Variants in EMP1 observed in about 807,000 individuals in gnomAD.
EMP1 encodes tumor-associated membrane protein.
Under a neutral mutation model 15.7 loss-of-function variants are expected in EMP1, and 5 were observed. That is an observed-to-expected ratio of 0.32 (90% CI 0.17 to 0.67). The LOEUF (loss-of-function observed/expected upper bound fraction) is 0.67, where lower values mean the gene tolerates loss of function less well. Ranked by LOEUF, EMP1 falls within the 30% of genes least tolerant of loss-of-function variation. The pLI, the probability that EMP1 is intolerant of heterozygous loss-of-function variation, is 0.74. For missense variants in EMP1, 166 were observed against 194.2 expected (o/e 0.85, Z 0.86); for synonymous variants, 78 against 76.7 (o/e 1.02, Z -0.09).
At chr12:13,210,492 T>A (rs1864155484) in intron 1 of EMP1, among the ~76,000 whole-genome samples, 1 of 152,224 alleles carries the variant, frequency 6.6e-6, no homozygotes, top group Non-Finnish European at 1.5e-5. Context: ...ATGGGCTCCC[T>A]TCTCTGCTGT....
intron 1 of EMP1, among the ~76,000 whole-genome samples, chr12:13,206,017 A>T (rs910724038): frequency 2.6e-5 from 4 of 152,090 alleles, no homozygotes; most frequent in African/African-American, 9.7e-5. Flanking sequence ...GGTAGAAGAT[A>T]TGTTAGAGGG....
Position 13,214,694 on chromosome 12 carries a change from C to T in EMP1, c.*3C>T, listed in dbSNP as rs1714890666. 2 of 1,607,566 alleles carry T rather than the reference C, an allele frequency of 1.2e-6. No individual in the cohort carries two copies. The highest frequency in any genetic ancestry group is 1.7e-6 in the Non-Finnish European group (2 of 1,176,870). On this transcript the variant is annotated 3_prime_UTR_variant, in exon 5 of 5. Transcript: ENST00000256951. ...ATCTGGTCCTGAGAAAGAAATAAGGCCGGACGAGTTCATGGGGATCTGGGG... is the reference window on the plus strand; with the variant it reads ...ATCTGGTCCTGAGAAAGAAATAAGGTCGGACGAGTTCATGGGGATCTGGGG...
chr12:13,208,364 A>G lies in EMP1; in HGVS notation c.-42-3105A>G, dbSNP rs540119521. Among the ~76,000 whole-genome samples, 15 of 152,234 alleles carry G rather than the reference A, an allele frequency of 9.9e-5. No individual in the cohort carries two copies. The South Asian group carries it at 1.9e-3, about 19-fold the overall frequency. On this transcript the variant is annotated intron_variant, in intron 1 of 4. Transcript: ENST00000256951. ...ATTAGTTACCACTAATGGCTTTTTC[A>G]TAAAGACCTCAGTGATCGCCTCCTC...
In EMP1 at chr12:13,218,177, T is replaced by C. The variant is rs374505573; in HGVS notation, c.*3486T>C. On this transcript the variant is annotated 3_prime_UTR_variant, in exon 5 of 5. Coordinates refer to ENST00000256951, the MANE Select transcript of EMP1 (RefSeq NM_001423.3). ...TAAACTTGAGTTATCAAATGGTTAATAGATAAAGATCCCACTCTGCCTTGG... is the reference window on the plus strand; with the variant it reads ...TAAACTTGAGTTATCAAATGGTTAACAGATAAAGATCCCACTCTGCCTTGG... The C allele has an allele frequency of 2.0e-5, 3 of 152,298 alleles. No individual in the cohort carries two copies. The highest frequency in any genetic ancestry group is 7.2e-5 in the African/African-American group (3 of 41,568). The allele number at this position is 152,298 out of a possible 1,614,324, so 9.4% of individuals were successfully genotyped here.
intron 1 of EMP1, among the ~76,000 whole-genome samples, chr12:13,207,563 A>C (rs935488990): frequency 6.6e-6 from 1 of 152,216 alleles, no homozygotes; most frequent in African/African-American, 2.4e-5. Context: ...GTTAGGGCAG[A>C]AAGAAGAACA....
intron 4 of EMP1, chr12:13,214,220 A>G: frequency 1.7e-6 from 1 of 595,740 alleles, no homozygotes; most frequent in East Asian, 2.8e-5. Flanking sequence ...GCTCTTTTGC[A>G]TCCCTGAGTA....
chr12:13,215,882 G>A lies in EMP1; in HGVS notation c.*1191G>A, dbSNP rs1267899135. ...GTGCTATATAATTGTGAAGTATTAA[G>A]CCTACCGTATTTCAGCCATGATAAG... On this transcript the variant is annotated 3_prime_UTR_variant, in exon 5 of 5. Transcript: ENST00000256951. 6.3e-6 allele frequency: 1 copy of A among 158,030 alleles called. No homozygotes were observed. The highest frequency in any genetic ancestry group is 1.4e-5 in the Non-Finnish European group (1 of 71,302). 9.8% of individuals were successfully genotyped at this position (158,030 alleles called of 1,614,324 possible). A position where few individuals can be genotyped will look rare whatever the true frequency, so the allele number is the denominator to read the frequency against.
chr12:13,210,483 T>A (rs1864155296), intron 1 of EMP1, among the ~76,000 whole-genome samples: 1 of 152,258 alleles, frequency 6.6e-6, no homozygotes, highest in Non-Finnish European at 1.5e-5. Flanking sequence ...TTATGATCAA[T>A]GGGCTCCCTT....
intron 1 of EMP1, among the ~76,000 whole-genome samples, chr12:13,198,343 A>AT (rs1864033021): frequency 6.6e-6 from 1 of 151,742 alleles, no homozygotes; most frequent in African/African-American, 2.4e-5. Context: ...ACACTGGTAT[A>AT]TTTTTTCCCC....
At chr12:13,213,281 G>T in intron 2 of EMP1, 198 bp from the exon 3 acceptor site, 1 of 601,308 alleles carries the variant, frequency 1.7e-6, no homozygotes, top group Non-Finnish European at 2.9e-6. Flanking sequence ...ATTCTTCTGT[G>T]TCTCTTCTCT....
At chr12:13,202,159 C>A (rs1240240195) in intron 1 of EMP1, among the ~76,000 whole-genome samples, 2 of 152,174 alleles carry the variant, frequency 1.3e-5, no homozygotes, top group Admixed American at 1.3e-4. Context: ...CCCTTCCATC[C>A]TTCCACTCTT....
At chr12:13,199,026 G>GGGGGCA (rs1421688559) in intron 1 of EMP1, among the ~76,000 whole-genome samples, 3 of 152,172 alleles carry the variant, frequency 2.0e-5, no homozygotes, top group Non-Finnish European at 2.9e-5. Context: ...GGGCGGGGGC[G>GGGGGCA]GGGGCTGCAG....
Position 13,214,931 on chromosome 12 carries a change from C to T in EMP1, c.*240C>T, listed in dbSNP as rs1044924252. 2.3e-6 allele frequency: 1 copy of T among 439,164 alleles called. No homozygotes were observed. Among genetic ancestry groups the T allele is most frequent in the Non-Finnish European group, 4.2e-6 (1 of 236,822 alleles). The allele number at this position is 439,164 out of a possible 1,614,324, so 27.2% of individuals were successfully genotyped here. ...CCCTTGATGGGGTCCAGAGAGCCTC[C>T]CTGCAGCCACCAGACTTGGCCTCCA... is the stretch of plus-strand genomic sequence containing the variant. On this transcript the variant is annotated 3_prime_UTR_variant, in exon 5 of 5. Transcript: ENST00000256951.
chr12:13,215,967 G>T lies in EMP1; in HGVS notation c.*1276G>T, dbSNP rs1403081620. On this transcript the variant is annotated 3_prime_UTR_variant, in exon 5 of 5. Coordinates refer to ENST00000256951, the MANE Select transcript of EMP1 (RefSeq NM_001423.3). ...ATCCCATGAGATAAATAAAAATATA[G>T]GTGATGGGCAGATCTTTTCTTTAAA... 1 of 165,606 alleles carries T rather than the reference G, an allele frequency of 6.0e-6. No homozygotes were observed. Among genetic ancestry groups the T allele is most frequent in the Admixed American group, 5.7e-5 (1 of 17,476 alleles). 10.3% of individuals were successfully genotyped at this position (165,606 alleles called of 1,614,324 possible).
At position 13,211,679 on chromosome 12, in the gene EMP1, G is replaced by A. The variant is rs909148736; in HGVS notation, c.78+91G>A. The A allele has an allele frequency of 4.2e-6, 6 of 1,433,946 alleles. No individual in the cohort carries two copies. In the African/African-American group the frequency reaches 7.1e-5, roughly 17 times the overall value. 88.8% of individuals were successfully genotyped at this position (1,433,946 alleles called of 1,614,324 possible). A position where few individuals can be genotyped will look rare whatever the true frequency, so the allele number is the denominator to read the frequency against. On this transcript the variant is annotated intron_variant, in intron 2 of 4. Transcript: ENST00000256951. The surrounding 1 kb of genome is among the most constrained non-coding windows in gnomAD (Gnocchi z 4.7). ...AAAAGAAGTTTAAGCCACAGCCCTT[G>A]CCCTTCATGAACTTACAGCTCAGTT...
In EMP1 at chr12:13,213,764, T is replaced by C. The variant is rs898822877; in HGVS notation, c.259T>C (p.Phe87Leu). Residue 87 changes from phenylalanine to leucine, a missense_variant, in exon 4 of 5, where the codon TTC becomes CTC. By Grantham distance (22) the Phe-to-Leu change is conservative (BLOSUM62 0). Transcript: ENST00000256951. ...IALLVFVFQLFTMEKGNRFFL... is the reference protein window; with the variant it reads ...IALLVFVFQLLTMEKGNRFFL... ...CCTCCTGGTCTTCGTGTTCCAGCTC[T>C]TCACCATGGAGAAGGGAAACCGGTT... The C allele has an allele frequency of 6.2e-7, 1 of 1,614,094 alleles. No individual in the cohort carries two copies. The highest frequency in any genetic ancestry group is 8.5e-7 in the Non-Finnish European group (1 of 1,180,030).
chr12:13,201,639 C>A (rs1472689206), intron 1 of EMP1, among the ~76,000 whole-genome samples: 1 of 152,188 alleles, frequency 6.6e-6, no homozygotes, highest in Non-Finnish European at 1.5e-5. Flanking sequence ...ACGGAGCCTC[C>A]TCTGCCCCAT....
intron 4 of EMP1, chr12:13,214,165 T>G (rs529576084): frequency 1.7e-6 from 1 of 602,254 alleles, no homozygotes; most frequent in Non-Finnish European, 3.0e-6. Context: ...GATTCTCACT[T>G]AATTGTTGTT....
In EMP1 at chr12:13,216,569, G is replaced by GGAGTAA. The variant is rs1864217799; in HGVS notation, c.*1878_*1879insGAGTAA. On this transcript the variant is annotated 3_prime_UTR_variant, in exon 5 of 5. Transcript: ENST00000256951. ...ACATTTTGTTAAGAAGTTGAACTATGACTGGAGTAAACCATGTATTCCCTT... is the reference window on the plus strand; with the variant it reads ...ACATTTTGTTAAGAAGTTGAACTATGGAGTAAACTGGAGTAAACCATGTATTCCCTT... 6.0e-6 allele frequency: 4 copies of GGAGTAA among 662,714 alleles called. No homozygotes were observed. Among genetic ancestry groups the GGAGTAA allele is most frequent in the Non-Finnish European group, 1.1e-5 (4 of 366,866 alleles). 41.1% of individuals were successfully genotyped at this position (662,714 alleles called of 1,614,324 possible). A position where few individuals can be genotyped will look rare whatever the true frequency, so the allele number is the denominator to read the frequency against.
Sources: gnomAD v4.1 joint callset for allele counts (sites outside exome capture counted in the v4.1 genomes callset) on GRCh38, gnomAD v4.1.1 for gene constraint, Gnocchi (gnomAD v3.1) non-coding constraint, MANE v1.5 for transcripts, NCBI Gene and HGNC (gene_info 2026-07-23, HGNC 2026-07-21) for gene names.